Variants in DENND5A observed in about 807,000 individuals in gnomAD.
DENND5A encodes the protein DENN domain containing 5A.
A neutral mutation model predicts 140.3 loss-of-function variants in DENND5A; 64 were observed. The ratio of observed to expected loss-of-function variants is 0.46; its 90% CI spans 0.37 to 0.56. The LOEUF is 0.56. DENND5A is among the 20% of genes least tolerant of loss of function. The pLI is 0.00. For synonymous variants in DENND5A, 605 were observed against 607.7 expected (o/e 1.00, Z 0.07); for missense variants, 1,292 against 1,593.8 (o/e 0.81, Z 3.22).
At chr11:9,205,667 C>T (rs886147823) in intron 3 of DENND5A, among the ~76,000 whole-genome samples, 1 of 152,092 alleles carries the variant, frequency 6.6e-6, no homozygotes, top group South Asian at 2.1e-4. Context: ...TCAAGGTAGG[C>T]GGACTGTTTG....
At chr11:9,188,475 T>A (rs539840530) in intron 5 of DENND5A, among the ~76,000 whole-genome samples, 1 of 152,098 alleles carries the variant, frequency 6.6e-6, no homozygotes, top group Admixed American at 6.6e-5. Flanking sequence ...CAGGCAGAGA[T>A]TGGAACAGTT....
Position 9,174,714 on chromosome 11 carries a change from C to A in DENND5A, c.1906+3418G>T, listed in dbSNP as rs186676200. Among the ~76,000 whole-genome samples, 330 of 150,380 alleles carry A rather than the reference C, an allele frequency of 2.2e-3. 1 individual carries two copies. Among genetic ancestry groups the A allele is most frequent in the Non-Finnish European group, 3.2e-3 (215 of 67,650 alleles). ...GACCCCATCAACATTAAAACAACAACAAAAAAAATCAATATAATTCACCAT... is the reference window on the plus strand; with the variant it reads ...GACCCCATCAACATTAAAACAACAAAAAAAAAAATCAATATAATTCACCAT... On this transcript the variant is annotated intron_variant, in intron 8 of 22. Coordinates refer to ENST00000328194, the MANE Select transcript of DENND5A (RefSeq NM_015213.4).
chr11:9,149,026 T>C (rs560707086), intron 15 of DENND5A, among the ~76,000 whole-genome samples: 5 of 152,174 alleles, frequency 3.3e-5, no homozygotes, highest in Non-Finnish European at 5.9e-5. Context: ...GGCAGCCACA[T>C]AAAGTGAGTT....
intron 22 of DENND5A, 134 bp from the exon 23 acceptor site, chr11:9,139,988 T>C (rs1301177163): frequency 3.0e-6 from 3 of 994,054 alleles, no homozygotes; most frequent in Non-Finnish European, 4.4e-6. Context: ...CACACCCCCC[T>C]TTCCCAAACA....
At chr11:9,263,624 T>C (rs1475616998) in intron 1 of DENND5A, among the ~76,000 whole-genome samples, 1 of 143,694 alleles carries the variant, frequency 7.0e-6, no homozygotes, top group Non-Finnish European at 1.5e-5. Flanking sequence ...GGGTGGATCA[T>C]GAGGTCAGGA....
intron 1 of DENND5A, among the ~76,000 whole-genome samples, chr11:9,234,840 G>A (rs1850934168): frequency 6.6e-6 from 1 of 152,126 alleles, no homozygotes; most frequent in African/African-American, 2.4e-5. Flanking sequence ...CAGAAACAAT[G>A]CTTATCACTG....
chr11:9,145,166 A>G (rs1271351436), intron 17 of DENND5A, 53 bp from the exon 18 acceptor site: 6 of 1,346,990 alleles, frequency 4.5e-6, no homozygotes, highest in Middle Eastern at 1.8e-4. Flanking sequence ...AGAAAAGAAC[A>G]GTAGTTCTCG....
chr11:9,201,398 A>G, intron 4 of DENND5A, among the ~76,000 whole-genome samples: 1 of 151,562 alleles, frequency 6.6e-6, no homozygotes, highest in East Asian at 1.9e-4. Context: ...AAAAATTTTA[A>G]GGCTGGGCAC....
At chr11:9,187,459 A>C (rs773443835) in intron 5 of DENND5A, among the ~76,000 whole-genome samples, 2 of 152,152 alleles carry the variant, frequency 1.3e-5, no homozygotes, top group Non-Finnish European at 2.9e-5. Flanking sequence ...AAGTCTCCCA[A>C]ATATCTTCCG....
intron 1 of DENND5A, among the ~76,000 whole-genome samples, chr11:9,261,756 C>T (rs535555040): frequency 8.3e-6 from 1 of 120,514 alleles, no homozygotes; most frequent in South Asian, 2.7e-4. Flanking sequence ...CCAGCTGGGG[C>T]AACAGAGTGA....
chr11:9,175,478 T>C lies in DENND5A; in HGVS notation c.1906+2654A>G, dbSNP rs530024819. ...GAAGTTGGCAAGTTGACTCTAAATATGTATGGAAATACAAAGAACCCAGAA... is the reference window on the plus strand; with the variant it reads ...GAAGTTGGCAAGTTGACTCTAAATACGTATGGAAATACAAAGAACCCAGAA... On this transcript the variant is annotated intron_variant, in intron 8 of 22. Transcript: ENST00000328194. 16 of 152,328 alleles carry C rather than the reference T, an allele frequency of 1.1e-4. No individual in the cohort carries two copies. The East Asian group carries it at 3.1e-3, about 29-fold the overall frequency. 9.4% of individuals were successfully genotyped at this position (152,328 alleles called of 1,614,324 possible). A position where few individuals can be genotyped will look rare whatever the true frequency, so the allele number is the denominator to read the frequency against.
chr11:9,211,663 G>T (rs1849882985), intron 1 of DENND5A, among the ~76,000 whole-genome samples: 1 of 152,246 alleles, frequency 6.6e-6, no homozygotes, highest in Admixed American at 6.5e-5. Context: ...GCCAGACATG[G>T]TGGCTCACTC....
intron 1 of DENND5A, among the ~76,000 whole-genome samples, chr11:9,237,537 T>C (rs894214797): frequency 1.9e-4 from 29 of 152,180 alleles, no homozygotes; most frequent in Admixed American, 6.6e-5. Context: ...GAGGTCTAAA[T>C]TGGCACAATT....
rs372400270 is a variant in DENND5A at position 9,193,545 on chromosome 11, A to G, written c.1086T>C (p.Gly362=). 9.3e-6 allele frequency: 15 copies of G among 1,613,666 alleles called. No individual in the cohort carries two copies. The highest frequency in any genetic ancestry group is 1.3e-5 in the Non-Finnish European group (15 of 1,179,858). The change falls in exon 5 of 23, where the codon GGT becomes GGC. Residue 362 remains glycine (G), a synonymous_variant. Transcript: ENST00000328194. The part of the protein sequence containing the change: ...FLDAPVPYLM[G]LHSNGLDDRS... ...GGTCATCCAGGCCATTGGAATGCAA[A>G]CCCATCAGGTATGGAACAGGAGCAT... is the stretch of plus-strand genomic sequence containing the variant.
chr11:9,182,848 AG>A (rs1848778133), intron 5 of DENND5A, among the ~76,000 whole-genome samples: 1 of 152,208 alleles, frequency 6.6e-6, no homozygotes, highest in Non-Finnish European at 1.5e-5. Flanking sequence ...ATAGCACTGT[AG>A]GGTGACTACA....
At chr11:9,189,085 A>T (rs1849019465) in intron 5 of DENND5A, among the ~76,000 whole-genome samples, 1 of 152,190 alleles carries the variant, frequency 6.6e-6, no homozygotes, top group Non-Finnish European at 1.5e-5. Context: ...TGCTGTGTGC[A>T]GCCTAGGGAC....
intron 12 of DENND5A, among the ~76,000 whole-genome samples, chr11:9,156,880 G>A (rs1847823478): frequency 6.9e-6 from 1 of 145,788 alleles, no homozygotes; most frequent in South Asian, 2.1e-4. Flanking sequence ...TGGAAGGAAG[G>A]AAGGAAGGAA....
chr11:9,250,625 GACAA>G lies in DENND5A; in HGVS notation c.109+14332_109+14335del, dbSNP rs376069865. Among the ~76,000 whole-genome samples, 48 of 152,224 alleles carry G rather than the reference GACAA, an allele frequency of 3.2e-4. No individual in the cohort carries two copies. In the East Asian group the frequency reaches 4.0e-3, roughly 13 times the overall value. ...CTTTCTAACTTGGTGGGTAACAATGGACAAACAATTTTATTTCAAGCGGGGCTAA... is the reference window on the plus strand; with the variant it reads ...CTTTCTAACTTGGTGGGTAACAATGGACAATTTTATTTCAAGCGGGGCTAA... On this transcript the variant is annotated intron_variant, in intron 1 of 22. Coordinates refer to ENST00000328194, the MANE Select transcript of DENND5A (RefSeq NM_015213.4).
At chr11:9,155,008 G>A (rs936242319) in intron 12 of DENND5A, among the ~76,000 whole-genome samples, 1 of 152,104 alleles carries the variant, frequency 6.6e-6, no homozygotes, top group East Asian at 1.9e-4. Flanking sequence ...AATTAGGCGC[G>A]CATGGTGACA....
Sources: gnomAD v4.1 joint callset for allele counts (sites outside exome capture counted in the v4.1 genomes callset) on GRCh38, gnomAD v4.1.1 for gene constraint, MANE v1.5 for transcripts, NCBI Gene and HGNC (gene_info 2026-07-23, HGNC 2026-07-21) for gene names.